Variants in ANKRD34B observed in about 807,000 individuals in gnomAD.
ANKRD34B encodes ankyrin repeat domain 34B, also known as ankyrin repeat domain-containing protein 34B.
In ANKRD34B, 2 loss-of-function variants were observed where a neutral mutation model predicts 4.4. That is an observed-to-expected ratio of 0.46 (90% CI 0.19 to 1.44). The LOEUF is 1.44. ANKRD34B is among the 40% of genes most tolerant of loss of function. ANKRD34B has a pLI of 0.26. For missense variants in ANKRD34B, 558 were observed against 604.7 expected (o/e 0.92, Z 0.81); for synonymous variants, 226 against 227.1 (o/e 0.99, Z 0.05).
chr5:80,566,354 G>A (rs1228802104), intron 3 of ANKRD34B, among the ~76,000 whole-genome samples: 1 of 152,156 alleles, frequency 6.6e-6, no homozygotes, highest in Non-Finnish European at 1.5e-5. Context: ...AGAACGACTG[G>A]ACCCCTACAT....
At position 80,558,552 on chromosome 5, in the gene ANKRD34B, CT is replaced by C; in HGVS notation, c.1467del (p.Glu490AsnfsTer9). 6 of 1,614,052 alleles carry C rather than the reference CT, an allele frequency of 3.7e-6. 1 individual carries two copies. In the South Asian group the frequency reaches 5.5e-5, roughly 15 times the overall value. On this transcript the variant is annotated frameshift_variant, in exon 5 of 5. Coordinates refer to ENST00000338682, the MANE Select transcript of ANKRD34B (RefSeq NM_001004441.3). LOFTEE classifies it high-confidence loss of function. ...AACAACATTTTCTTACTTTTGAATT[CT>C]TTAGGGAAAATCGGAACTGTTGGCA... Reference protein sequence around the residue: ...VLMPTVPIFPKEFKSKKMLLR... With the variant: ...VLMPTVPIFPXEFKSKKMLLR...
intron 4 of ANKRD34B, among the ~76,000 whole-genome samples, chr5:80,561,380 T>A (rs932100074): frequency 5.9e-5 from 9 of 152,286 alleles, no homozygotes; most frequent in Admixed American, 5.9e-4. Context: ...TATTTACTTT[T>A]AAAATTAAGA....
rs1200734572 is a variant in ANKRD34B, at chr5:80,557,663, A to G, written c.*812T>C. 6.6e-6 allele frequency: 1 copy of G among 151,882 alleles called. No individual in the cohort carries two copies. The highest frequency in any genetic ancestry group is 1.5e-5 in the Non-Finnish European group (1 of 68,014). 9.4% of individuals were successfully genotyped at this position (151,882 alleles called of 1,614,324 possible). A position where few individuals can be genotyped will look rare whatever the true frequency, so the allele number is the denominator to read the frequency against. The stretch of plus-strand genomic sequence containing the variant: ...AACTTATGGATAAGCTTCCAAAACT[A>G]ATAACAGGAATTAAAAGATGATATG... On this transcript the variant is annotated 3_prime_UTR_variant, in exon 5 of 5. Coordinates refer to ENST00000338682, the MANE Select transcript of ANKRD34B (RefSeq NM_001004441.3).
chr5:80,561,207 A>G (rs1015971766), intron 4 of ANKRD34B, among the ~76,000 whole-genome samples: 1 of 152,194 alleles, frequency 6.6e-6, no homozygotes, highest in African/African-American at 2.4e-5. Context: ...TAATTCCATT[A>G]GGTGGTAAGA....
In ANKRD34B at chr5:80,559,970, G is replaced by A. The variant is rs755251156; in HGVS notation, c.50C>T (p.Ala17Val). ...ISSEGNSLIKAVHQSRLRLTR... is the reference protein window; with the variant it reads ...ISSEGNSLIKVVHQSRLRLTR... ...GAGGCGAAGCCGGCTCTGATGGACT[G>A]CTTTGATCAAGGAATTTCCTTCACT... Residue 17 changes from alanine (A) to valine (V), a missense_variant, in exon 5 of 5, where the codon GCA (alanine) becomes GTA (valine). Physicochemically the swap from Ala to Val is moderately conservative, Grantham distance 64. Coordinates refer to ENST00000338682, the MANE Select transcript of ANKRD34B (RefSeq NM_001004441.3). The A allele has an allele frequency of 1.1e-5, 17 of 1,606,294 alleles. No individual in the cohort carries two copies. In the East Asian group the frequency reaches 3.6e-4, roughly 34 times the overall value.
chr5:80,559,550 G>A lies in ANKRD34B; in HGVS notation c.470C>T (p.Pro157Leu). 9.9e-6 allele frequency: 16 copies of A among 1,614,114 alleles called. No individual in the cohort carries two copies. Among genetic ancestry groups the A allele is most frequent in the Non-Finnish European group, 1.2e-5 (14 of 1,180,028 alleles). ...TTGTTTAGTAGTATGCTTCCCACAG[G>A]GCAACTTTGCTGTTGTGATGATGAT... is the stretch of plus-strand genomic sequence containing the variant. ...EVIIITTAKL[P>L]CGKHTTKQYL... The change falls in exon 5 of 5, where the codon CCC becomes CTC. Residue 157 changes from proline to leucine, a missense_variant. By Grantham distance (98) the Pro-to-Leu change is moderately conservative (BLOSUM62 -3). Coordinates refer to ENST00000338682, the MANE Select transcript of ANKRD34B (RefSeq NM_001004441.3).
At position 80,559,472 on chromosome 5, in the gene ANKRD34B, C is replaced by G; in HGVS notation, c.548G>C (p.Cys183Ser). ...DIDGCHSPATCTTPSEIDIKT... is the reference protein window; with the variant it reads ...DIDGCHSPATSTTPSEIDIKT... Reference sequence around the variant, plus strand: ...GATGTCTATTTCTGAAGGAGTGGTGCAGGTAGCTGGGGAATGACACCCATC... The same window carrying G: ...GATGTCTATTTCTGAAGGAGTGGTGGAGGTAGCTGGGGAATGACACCCATC... The change falls in exon 5 of 5, where the codon TGC becomes TCC. Residue 183 changes from cysteine (C) to serine (S), a missense_variant. Physicochemically the swap from Cys to Ser is moderately radical, Grantham distance 112. Coordinates refer to ENST00000338682, the MANE Select transcript of ANKRD34B (RefSeq NM_001004441.3). 1 of 1,614,154 alleles carries G rather than the reference C, an allele frequency of 6.2e-7. No homozygotes were observed. Among genetic ancestry groups the G allele is most frequent in the Non-Finnish European group, 8.5e-7 (1 of 1,180,034 alleles).
chr5:80,559,222 C>T lies in ANKRD34B; in HGVS notation c.798G>A (p.Glu266=), dbSNP rs747972194. The change falls in exon 5 of 5, where the codon GAG becomes GAA. Residue 266 remains glutamate, a synonymous_variant. Transcript: ENST00000338682. ...CCTCTGGTGTAATATCCTGGAGCTC[C>T]TCTTGCAATGAAGCCACTCTGTTCT... is the stretch of plus-strand genomic sequence containing the variant. ...MHQNRVASLQ[E]ELQDITPEEE... 8 of 1,614,150 alleles carry T rather than the reference C, an allele frequency of 5.0e-6. No homozygotes were observed. In the African/African-American group the frequency reaches 8.0e-5, roughly 16 times the overall value.
rs372701643 is a variant in ANKRD34B, at chr5:80,559,793, T to G, written c.227A>C (p.Asp76Ala). ...CCCAGATTTGTCCTGTATGTTGGGA[T>G]CGGCATTGTTCTCTAACAGGTATTT... ...MVKYLLENNADPNIQDKSGKT... is the reference protein window; with the variant it reads ...MVKYLLENNAAPNIQDKSGKT... The change falls in exon 5 of 5, where the codon GAT becomes GCT. Residue 76 changes from aspartate (D) to alanine (A), a missense_variant. Transcript: ENST00000338682. 6.2e-7 allele frequency: 1 copy of G among 1,614,100 alleles called. No individual in the cohort carries two copies. The highest frequency in any genetic ancestry group is 8.5e-7 in the Non-Finnish European group (1 of 1,180,048).
chr5:80,569,862 G>A (rs1487854768), intron 1 of ANKRD34B, among the ~76,000 whole-genome samples: 1 of 152,218 alleles, frequency 6.6e-6, no homozygotes, highest in East Asian at 1.9e-4. Flanking sequence ...AGGCGCGAGG[G>A]TGAGCTCGCG....
At chr5:80,567,489 C>T (rs866237834) in intron 2 of ANKRD34B, among the ~76,000 whole-genome samples, 55 of 150,970 alleles carry the variant, frequency 3.6e-4, no homozygotes, top group Admixed American at 9.2e-4. Context: ...GGCATTGTGG[C>T]GGGTGCCTGT....
At position 80,559,553 on chromosome 5, in the gene ANKRD34B, A is replaced by G. The variant is rs32857; in HGVS notation, c.467T>C (p.Leu156Ser). ...KEVIIITTAK[L>S]PCGKHTTKQY... ...TTTAGTAGTATGCTTCCCACAGGGC[A>G]ACTTTGCTGTTGTGATGATGATGAC... is the stretch of plus-strand genomic sequence containing the variant. The change falls in exon 5 of 5, where the codon TTG becomes TCG. Residue 156 changes from leucine to serine, a missense_variant. Transcript: ENST00000338682. 0.87 allele frequency: 1,398,514 copies of G among 1,614,108 alleles called. 607,452 individuals are homozygous for G. The highest frequency in any genetic ancestry group is 1 in the East Asian group (44,834 of 44,886).
chr5:80,567,876 G>A (rs1484079698), intron 2 of ANKRD34B, among the ~76,000 whole-genome samples: 1 of 152,000 alleles, frequency 6.6e-6, no homozygotes, highest in Non-Finnish European at 1.5e-5. Context: ...CAGGGACCTG[G>A]GCTCCGGATC....
chr5:80,568,921 CACACAGAGAGAGAG>C (rs1208537303), intron 2 of ANKRD34B, 25 bp downstream of exon 2: 1 of 53,480 alleles, frequency 1.9e-5, no homozygotes, highest in African/African-American at 4.4e-5. Context: ...CACACACACA[CACACAGAGAGAGAG>C]AGAGAGAGAG....
chr5:80,561,097 C>A (rs186580415), intron 4 of ANKRD34B, among the ~76,000 whole-genome samples: 8 of 152,124 alleles, frequency 5.3e-5, no homozygotes, highest in Admixed American at 4.6e-4. Context: ...CTGAAAGGAG[C>A]CATCCAGACT....
In ANKRD34B at chr5:80,558,699, C is replaced by T. The variant is rs373914597; in HGVS notation, c.1321G>A (p.Val441Ile). 32 of 1,613,976 alleles carry T rather than the reference C, an allele frequency of 2.0e-5. No individual in the cohort carries two copies. Among genetic ancestry groups the T allele is most frequent in the Non-Finnish European group, 2.6e-5 (31 of 1,180,002 alleles). The change falls in exon 5 of 5, where the codon GTT (valine) becomes ATT (isoleucine). Residue 441 changes from valine (V) to isoleucine (I), a missense_variant. By Grantham distance (29) the Val-to-Ile change is conservative (BLOSUM62 3). Coordinates refer to ENST00000338682, the MANE Select transcript of ANKRD34B (RefSeq NM_001004441.3). ...GSGAFPLDHSVTQTRQGFLPP... is the reference protein window; with the variant it reads ...GSGAFPLDHSITQTRQGFLPP... ...AGAAACCCTTGTCTGGTTTGGGTAA[C>T]ACTGTGATCTAAAGGGAAAGCTCCT...
intron 2 of ANKRD34B, among the ~76,000 whole-genome samples, chr5:80,567,725 C>A (rs118526): frequency 0.6 from 89,734 of 149,584 alleles, 27,608 homozygotes; most frequent in East Asian, 0.96. Flanking sequence ...TCATAAAGTT[C>A]ATCATCTGGC....
intron 4 of ANKRD34B, among the ~76,000 whole-genome samples, chr5:80,560,529 G>C (rs1483532647): frequency 6.6e-6 from 1 of 151,978 alleles, no homozygotes; most frequent in Non-Finnish European, 1.5e-5. Flanking sequence ...GGGCATGGTG[G>C]TGTGACCTGT....
chr5:80,559,564 T>C lies in ANKRD34B; in HGVS notation c.456A>G (p.Thr152=). 1 of 1,614,104 alleles carries C rather than the reference T, an allele frequency of 6.2e-7. No individual in the cohort carries two copies. Among genetic ancestry groups the C allele is most frequent in the Non-Finnish European group, 8.5e-7 (1 of 1,180,022 alleles). ...GCTTCCCACAGGGCAACTTTGCTGT[T>C]GTGATGATGATGACCTCTTTCCCTT... ...KAKGKEVIII[T]TAKLPCGKHT... The change falls in exon 5 of 5, where the codon ACA becomes ACG. Residue 152 remains threonine (T), a synonymous_variant. Coordinates refer to ENST00000338682, the MANE Select transcript of ANKRD34B (RefSeq NM_001004441.3).
Sources: allele counts gnomAD v4.1 joint callset (sites outside exome capture counted in the v4.1 genomes callset), GRCh38; gene constraint gnomAD v4.1.1; transcripts MANE v1.5; gene names NCBI Gene and HGNC (gene_info 2026-07-23, HGNC 2026-07-21).